Variants in AUP1 observed in about 807,000 individuals in gnomAD.
AUP1 encodes AUP1 lipid droplet regulating VLDL assembly factor.
Under a neutral mutation model 51.8 loss-of-function variants are expected in AUP1, and 30 were observed. That is an observed-to-expected ratio of 0.58 (90% CI 0.43 to 0.79). The LOEUF is 0.79. Ranked by LOEUF, AUP1 falls within the 30% of genes least tolerant of loss-of-function variation. The probability of loss-of-function intolerance (pLI) is 0.00; values close to 1 mark genes in which losing one functional copy is unlikely to be tolerated. For missense variants in AUP1, 492 were observed against 517.1 expected, an observed-to-expected ratio of 0.95 and a Z score of 0.47; for synonymous variants, 227 against 209.0, an observed-to-expected ratio of 1.09 and a Z score of -0.74.
chr2:74,526,753 C>G lies in AUP1; in HGVS notation c.*47G>C. On this transcript the variant is annotated 3_prime_UTR_variant, in exon 12 of 12. Transcript: ENST00000377526. ...TGTTGTGAGTTGGGTGAGGGCTGCC[C>G]CCAGTCTCCGTCCTGCGGCTCTGGG... 6.6e-7 allele frequency: 1 copy of G among 1,514,754 alleles called. No homozygotes were observed. Among genetic ancestry groups the G allele is most frequent in the Non-Finnish European group, 8.8e-7 (1 of 1,132,302 alleles). The allele number at this position is 1,514,754 out of a possible 1,614,324, so 93.8% of individuals were successfully genotyped here. A position where few individuals can be genotyped will look rare whatever the true frequency, so the allele number is the denominator to read the frequency against.
intron 10 of AUP1, 85 bp from the exon 11 acceptor site, chr2:74,527,144 T>G (rs1193353978): frequency 2.5e-6 from 4 of 1,608,844 alleles, no homozygotes; most frequent in Non-Finnish European, 3.4e-6. Flanking sequence ...AGAGGCACTA[T>G]GCTAGGGTCT....
intron 9 of AUP1, 45 bp downstream of exon 9, chr2:74,527,426 C>T: frequency 3.1e-6 from 5 of 1,610,424 alleles, no homozygotes; most frequent in Non-Finnish European, 4.2e-6. Flanking sequence ...ACCCACTTTT[C>T]CTCCCTGTGC....
intron 5 of AUP1, 27 bp from the exon 6 acceptor site, chr2:74,528,348 T>A (rs765017550): frequency 1.2e-6 from 2 of 1,613,154 alleles, no homozygotes; most frequent in South Asian, 2.2e-5. Context: ...AGATGAGGCC[T>A]AAGCCAGGGC....
intron 3 of AUP1, 29 bp from the exon 4 acceptor site, chr2:74,528,964 A>T (rs769759997): frequency 2.5e-6 from 4 of 1,607,120 alleles, no homozygotes; most frequent in Non-Finnish European, 3.4e-6. Context: ...GAAAGCAAGA[A>T]GAAAAATATT....
At chr2:74,528,999 C>T in intron 3 of AUP1, 64 bp from the exon 4 acceptor site, 1 of 1,604,084 alleles carries the variant, frequency 6.2e-7, no homozygotes. Context: ...AAAAAACTGA[C>T]ATGTTGGGTA....
At chr2:74,527,633 A>G (rs752331237) in intron 8 of AUP1, 43 bp from the exon 9 acceptor site, 89 of 1,591,318 alleles carry the variant, frequency 5.6e-5, no homozygotes, top group Non-Finnish European at 7.5e-5. Flanking sequence ...TCTGGTAAGT[A>G]GAGAACTAGA....
At chr2:74,528,583 G>A in intron 4 of AUP1, 94 bp from the exon 5 acceptor site, 1 of 1,396,628 alleles carries the variant, frequency 7.2e-7, no homozygotes, top group South Asian at 1.2e-5. Context: ...AACTCTACAA[G>A]CACATAATTG....
In AUP1 at chr2:74,527,573, G is replaced by A. The variant is rs762964514; in HGVS notation, c.859C>T (p.Pro287Ser). ...RPQSAQSSFP[P>S]SPGPSPDVQL... ...ACATCAGGAGAAGGACCAGGGGAGG[G>A]AGGGAAAGAAGACTGGGCTGTGGAA... is the stretch of plus-strand genomic sequence containing the variant. The change falls in exon 9 of 12, where the codon CCC becomes TCC. Residue 287 changes from proline to serine, a missense_variant. Coordinates refer to ENST00000377526, the MANE Select transcript of AUP1 (RefSeq NM_181575.5). The A allele has an allele frequency of 5.6e-6, 9 of 1,609,378 alleles. No homozygotes were observed. The African/African-American group carries it at 1.1e-4, about 19-fold the overall frequency.
In AUP1 at chr2:74,526,682, T is replaced by C. The variant is rs1006310756; in HGVS notation, c.*118A>G. On this transcript the variant is annotated 3_prime_UTR_variant, in exon 12 of 12. Coordinates refer to ENST00000377526, the MANE Select transcript of AUP1 (RefSeq NM_181575.5). ...TGAAAACCATGAATTTAATGTGACA[T>C]TGGGGGAGCCTCATCCTTCCCTTTT... is the stretch of plus-strand genomic sequence containing the variant. 34 of 1,221,510 alleles carry C rather than the reference T, an allele frequency of 2.8e-5. No individual in the cohort carries two copies. In the African/African-American group the frequency reaches 2.9e-4, roughly 10 times the overall value. The allele number at this position is 1,221,510 out of a possible 1,614,324, so 75.7% of individuals were successfully genotyped here.
At chr2:74,529,096 C>T in intron 3 of AUP1, 36 bp downstream of exon 3, 1 of 1,614,118 alleles carries the variant, frequency 6.2e-7, no homozygotes, top group Non-Finnish European at 8.5e-7. Flanking sequence ...CCCCAGGGAA[C>T]CGCCCCGTGG....
At position 74,527,029 on chromosome 2, in the gene AUP1, G is replaced by A. The variant is rs1675218855; in HGVS notation, c.1108C>T (p.Pro370Ser). Residue 370 changes from proline to serine, a missense_variant, in exon 11 of 12, where the codon CCA becomes TCA. Physicochemically the swap from Pro to Ser is moderately conservative, Grantham distance 74. Transcript: ENST00000377526. ...FPSSGPVTPQ[P>S]TALTFAKSSW... ...GACTTGGCAAATGTTAGGGCTGTTG[G>A]CTGAGGGGTCACCGGGCCAGAGCTG... The A allele has an allele frequency of 6.2e-7, 1 of 1,614,156 alleles. No homozygotes were observed. Among genetic ancestry groups the A allele is most frequent in the African/African-American group, 1.3e-5 (1 of 75,056 alleles).
In AUP1 at chr2:74,529,453, G is replaced by C; in HGVS notation, c.97C>G (p.Pro33Ala). 1 of 1,566,508 alleles carries C rather than the reference G, an allele frequency of 6.4e-7. No individual in the cohort carries two copies. The highest frequency in any genetic ancestry group is 8.7e-7 in the Non-Finnish European group (1 of 1,154,768). The change falls in exon 2 of 12, where the codon CCA becomes GCA. Residue 33 changes from proline to alanine, a missense_variant. Physicochemically the swap from Pro to Ala is conservative, Grantham distance 27. Transcript: ENST00000377526. ...FLLLVLLLYA[P>A]VGFCLLVLRL... ...AGGACGAGGAGGCAGAACCCGACTG[G>C]CGCGTAGAGCAGCAGCACGAGCAGT...
At chr2:74,527,170 AAGGTC>A in intron 10 of AUP1, 73 bp downstream of exon 10, 1 of 1,600,930 alleles carries the variant, frequency 6.2e-7, no homozygotes, top group Non-Finnish European at 8.5e-7. Flanking sequence ...TCAAAAAAGA[AAGGTC>A]AGGGATAAGG....
At position 74,527,322 on chromosome 2, in the gene AUP1, C is replaced by G. The variant is rs1675233777; in HGVS notation, c.1003G>C (p.Glu335Gln). 1 of 1,614,004 alleles carries G rather than the reference C, an allele frequency of 6.2e-7. No homozygotes were observed. Among genetic ancestry groups the G allele is most frequent in the African/African-American group, 1.3e-5 (1 of 74,890 alleles). ...TCAGGCATGAAAGCTACGGCCCCCT[C>G]AAGCAGATTAGTGATAGTCAAGTCT... ...CVDLTITNLL[E>Q]GAVAFMPEDI... is the part of the protein sequence containing the mutation. Residue 335 changes from glutamate (E) to glutamine (Q), a missense_variant, in exon 10 of 12, where the codon GAG becomes CAG. Coordinates refer to ENST00000377526, the MANE Select transcript of AUP1 (RefSeq NM_181575.5).
rs1263486790 is a variant in AUP1, at chr2:74,528,329, G to A, written c.598-8C>T. 6.8e-6 allele frequency: 11 copies of A among 1,614,020 alleles called. No homozygotes were observed. In the African/African-American group the frequency reaches 1.3e-4, roughly 20 times the overall value. On this transcript the variant is annotated splice_region_variant and splice_polypyrimidine_tract_variant and intron_variant, in intron 5 of 11. Transcript: ENST00000377526. ...GGAGGCATCTGACACCGTCTGAGGG[G>A]AGGGCATGAGATGAGGCCTAAGCCA...
At chr2:74,527,441 C>G in intron 9 of AUP1, 30 bp downstream of exon 9, 1 of 1,610,762 alleles carries the variant, frequency 6.2e-7, no homozygotes, top group East Asian at 2.2e-5. Flanking sequence ...CTGTGCCCAT[C>G]TCCCAGTGTG....
intron 3 of AUP1, 29 bp from the exon 4 acceptor site, chr2:74,528,964 AG>A: frequency 1.2e-6 from 2 of 1,607,120 alleles, no homozygotes; most frequent in Non-Finnish European, 1.7e-6. Context: ...GAAAGCAAGA[AG>A]AAAAATATTG....
In AUP1 at chr2:74,527,928, G is replaced by C; in HGVS notation, c.738+12C>G. ...GGGACCCCGCCTCCACCCTGTCTGT[G>C]CACCCGACCACCTGTTGTACACGGA... is the stretch of plus-strand genomic sequence containing the variant. On this transcript the variant is annotated intron_variant, in intron 7 of 11. Transcript: ENST00000377526. 1 of 1,614,116 alleles carries C rather than the reference G, an allele frequency of 6.2e-7. No homozygotes were observed. Among genetic ancestry groups the C allele is most frequent in the South Asian group, 1.1e-5 (1 of 91,080 alleles).
rs780280700 is a variant in AUP1 at position 74,526,996 on chromosome 2, C to T, written c.1141G>A (p.Ala381Thr). 15 of 1,614,124 alleles carry T rather than the reference C, an allele frequency of 9.3e-6. No individual in the cohort carries two copies. In the Admixed American group the frequency reaches 2.3e-4, roughly 25 times the overall value. Residue 381 changes from alanine to threonine, a missense_variant, in exon 11 of 12, where the codon GCC becomes ACC. Coordinates refer to ENST00000377526, the MANE Select transcript of AUP1 (RefSeq NM_181575.5). ...CGCTCCTGCAGGCTCTCCTGCCGGG[C>T]CCAGGAAGACTTGGCAAATGTTAGG... ...TALTFAKSSW[A>T]RQESLQERKQ...
Sources: gnomAD v4.1 joint callset for allele counts on GRCh38, gnomAD v4.1.1 for gene constraint, MANE v1.5 for transcripts, NCBI Gene and HGNC (gene_info 2026-07-23, HGNC 2026-07-21) for gene names.